The following CNTNAP3B variants were observed in gnomAD, a reference collection of about 807,000 sequenced individuals.
CNTNAP3B encodes the protein contactin-associated protein-like 3B.
CNTNAP3B carries 25 observed loss-of-function variants against 108.9 expected under a neutral mutation model. The observed-to-expected ratio is 0.23, with a 90% CI of 0.17 to 0.32. CNTNAP3B has a LOEUF of 0.32. Among genes scored for constraint, CNTNAP3B ranks in the 10% least tolerant of loss-of-function variants. The pLI, the probability that CNTNAP3B is intolerant of heterozygous loss-of-function variation, is 1.00. For synonymous variants in CNTNAP3B, 103 were observed against 473.4 expected (o/e 0.22, Z 10.16); for missense variants, 252 against 1,210.4 (o/e 0.21, Z 11.75).
chr9:42,078,783 C>A (rs1431146749), intron 2 of CNTNAP3B, among the ~76,000 whole-genome samples: 2 of 147,934 alleles, frequency 1.4e-5, no homozygotes, highest in African/African-American at 2.6e-5. Flanking sequence ...TGAGCCCCTG[C>A]CAGAGACAGT....
chr9:42,097,361 G>T (rs543071004), intron 2 of CNTNAP3B, among the ~76,000 whole-genome samples: 1 of 139,604 alleles, frequency 7.2e-6, no homozygotes, highest in Non-Finnish European at 1.5e-5. Flanking sequence ...ACTGCCCCAC[G>T]CAGAGAAGCT....
At chr9:42,030,750 CAGAGAGAGAGAGAG>C (rs34457074) in intron 3 of CNTNAP3B, among the ~76,000 whole-genome samples, 12 of 60,434 alleles carry the variant, frequency 2.0e-4, no homozygotes, top group African/African-American at 9.2e-4. Flanking sequence ...GAAAGAGATA[CAGAGAGAGAGAGAG>C]AGAGAGAGAG....
rs563789508 is a variant in CNTNAP3B at position 42,087,609 on chromosome 9, C to T, written c.197-10547G>A. 9.0e-5 allele frequency among the ~76,000 whole-genome samples: 13 copies of T among 144,246 alleles called. 1 individual carries two copies. The South Asian group carries it at 2.1e-3, about 23-fold the overall frequency. 94.6% of individuals were successfully genotyped at this position (144,246 alleles called of 152,430 possible). ...GAAACTCATGTTGTTGTTTGTGGTG[C>T]CATGAGTAATATAGTTCACAGGTGT... On this transcript the variant is annotated intron_variant, in intron 2 of 23. Transcript: ENST00000377561.
intron 18 of CNTNAP3B, among the ~76,000 whole-genome samples, chr9:41,917,218 C>T (rs1260791037): frequency 1.3e-5 from 2 of 151,300 alleles, no homozygotes; most frequent in East Asian, 3.9e-4. Flanking sequence ...TTATTTTTTT[C>T]ATTATTATTT....
At chr9:42,063,570 T>C (rs1426897222) in intron 3 of CNTNAP3B, among the ~76,000 whole-genome samples, 4 of 136,322 alleles carry the variant, frequency 2.9e-5, no homozygotes, top group African/African-American at 1.2e-4. Flanking sequence ...TTAGAGACCT[T>C]TGACCTTCCT....
At chr9:42,032,754 G>A (rs1826543048) in intron 3 of CNTNAP3B, among the ~76,000 whole-genome samples, 1 of 135,572 alleles carries the variant, frequency 7.4e-6, no homozygotes, top group Non-Finnish European at 1.6e-5. Context: ...TTAAATAATA[G>A]ACACTTATTC....
intron 2 of CNTNAP3B, among the ~76,000 whole-genome samples, chr9:42,079,379 C>T (rs1221842481): frequency 1.8e-4 from 25 of 136,182 alleles, no homozygotes; most frequent in African/African-American, 6.9e-4. Flanking sequence ...CTCTCCTAAG[C>T]CTATGTAAAC....
rs1483364643 is a variant in CNTNAP3B at position 42,126,489 on chromosome 9, C to T, written c.85+2521G>A. 1.9e-4 allele frequency among the ~76,000 whole-genome samples: 26 copies of T among 138,106 alleles called. 5 individuals are homozygous for T. Among genetic ancestry groups the T allele is most frequent in the Admixed American group, 6.5e-4 (9 of 13,900 alleles). The allele number at this position is 138,106 out of a possible 152,430, so 90.6% of individuals were successfully genotyped here. A position where few individuals can be genotyped will look rare whatever the true frequency, so the allele number is the denominator to read the frequency against. On this transcript the variant is annotated intron_variant, in intron 1 of 23. Transcript: ENST00000377561. ...TTCATGCAGAATCTTCCTAACAAAGCTTTCCCATGTATTTGTCAGGTCAAA... is the reference window on the plus strand; with the variant it reads ...TTCATGCAGAATCTTCCTAACAAAGTTTTCCCATGTATTTGTCAGGTCAAA...
rs1203374502 is a variant in CNTNAP3B, at chr9:41,935,139, T to C, written c.2237+3105A>G. On this transcript the variant is annotated intron_variant, in intron 14 of 23. Coordinates refer to ENST00000377561, the MANE Select transcript of CNTNAP3B (RefSeq NM_001201380.3). ...AGTTCAATATTTTAAATCATTATAGTGCCTTTTAAATATATGTTTTTATAA... is the reference window on the plus strand; with the variant it reads ...AGTTCAATATTTTAAATCATTATAGCGCCTTTTAAATATATGTTTTTATAA... Among the ~76,000 whole-genome samples, 7 of 152,424 alleles carry C rather than the reference T, an allele frequency of 4.6e-5. No homozygotes were observed. The East Asian group carries it at 7.7e-4, about 17-fold the overall frequency.
intron 3 of CNTNAP3B, among the ~76,000 whole-genome samples, chr9:42,061,379 A>T (rs1321843493): frequency 8.0e-6 from 1 of 124,528 alleles, no homozygotes; most frequent in Admixed American, 8.7e-5. Flanking sequence ...GTGCAGTGGC[A>T]CGAGCTTGGC....
chr9:41,960,131 G>A, intron 12 of CNTNAP3B: 1 of 156,554 alleles, frequency 6.4e-6, no homozygotes, highest in Non-Finnish European at 1.4e-5. Context: ...CCAAGTAGCT[G>A]GGACTACAGG....
chr9:42,053,518 G>C (rs1205300529), intron 3 of CNTNAP3B, among the ~76,000 whole-genome samples: 1 of 135,092 alleles, frequency 7.4e-6, no homozygotes, highest in African/African-American at 3.0e-5. Flanking sequence ...ATCTGGATAT[G>C]GAGCCATCTC....
rs1015260357 is a variant in CNTNAP3B, at chr9:42,124,208, A to G, written c.85+4802T>C. On this transcript the variant is annotated intron_variant, in intron 1 of 23. Coordinates refer to ENST00000377561, the MANE Select transcript of CNTNAP3B (RefSeq NM_001201380.3). The stretch of plus-strand genomic sequence containing the variant: ...AATCACTCTTCGTATTATTACAACA[A>G]AAATGTTCATTAACTGGAACACATG... 5.2e-5 allele frequency among the ~76,000 whole-genome samples: 7 copies of G among 134,854 alleles called. 1 individual carries two copies. Among genetic ancestry groups the G allele is most frequent in the Admixed American group, 7.5e-5 (1 of 13,380 alleles). 88.5% of individuals were successfully genotyped at this position (134,854 alleles called of 152,430 possible).
chr9:41,915,742 ATG>A (rs1234561083), intron 18 of CNTNAP3B, among the ~76,000 whole-genome samples: 2 of 143,026 alleles, frequency 1.4e-5, no homozygotes, highest in African/African-American at 2.7e-5. Context: ...TAAGATAATC[ATG>A]TTTTTTTTTC....
chr9:41,921,780 G>A (rs1453244227), intron 17 of CNTNAP3B, among the ~76,000 whole-genome samples: 816 of 149,032 alleles, frequency 5.5e-3, no homozygotes, highest in South Asian at 8.5e-3. Context: ...AGCCTGTGAT[G>A]AGAGAGCCCC....
At chr9:41,934,130 C>CACACACACACACACACAT (rs1491259532) in intron 14 of CNTNAP3B, among the ~76,000 whole-genome samples, 1 of 116,500 alleles carries the variant, frequency 8.6e-6, no homozygotes, top group African/African-American at 3.4e-5. Context: ...TATACACACA[C>CACACACACACACACACAT]ATATATATAT....
At chr9:42,090,659 G>A (rs1827801666) in intron 2 of CNTNAP3B, among the ~76,000 whole-genome samples, 1 of 101,876 alleles carries the variant, frequency 9.8e-6, no homozygotes, top group Non-Finnish European at 2.0e-5. Context: ...ACTATAGTCA[G>A]TATATATGAC....
At chr9:41,962,000 G>A (rs1229177717) in intron 11 of CNTNAP3B, among the ~76,000 whole-genome samples, 4 of 152,272 alleles carry the variant, frequency 2.6e-5, no homozygotes, top group Non-Finnish European at 4.4e-5. Flanking sequence ...TAAATATAGG[G>A]CACAGACTAG....
intron 18 of CNTNAP3B, among the ~76,000 whole-genome samples, chr9:41,919,688 C>T (rs1360346929): frequency 5.4e-4 from 81 of 150,530 alleles, no homozygotes; most frequent in African/African-American, 1.9e-3. Context: ...CCGGCCTGGG[C>T]AACAGAGAGG....
Sources: gnomAD v4.1 joint callset for allele counts (sites outside exome capture counted in the v4.1 genomes callset) on GRCh38, gnomAD v4.1.1 for gene constraint, MANE v1.5 for transcripts, NCBI Gene and HGNC (gene_info 2026-07-23, HGNC 2026-07-21) for gene names.